ZNF136: variants seen among roughly 807,000 people sequenced by gnomAD.
ZNF136 encodes zinc finger protein 136 (clone pHZ-20).
A neutral mutation model predicts 11.4 loss-of-function variants in ZNF136; 8 were observed. The observed-to-expected ratio is 0.70, with a 90% confidence interval of 0.41 to 1.27. The LOEUF is 1.27. Ranked by LOEUF, ZNF136 falls within the 50% of genes most tolerant of loss-of-function variation. The pLI is 0.01. For synonymous variants in ZNF136, 190 were observed against 207.1 expected (o/e 0.92, Z 0.71); for missense variants, 590 against 656.5 (o/e 0.90, Z 1.11).
In ZNF136 at chr19:12,175,175, G is replaced by A. The variant is rs571139919; in HGVS notation, c.4-10610G>A. 2.6e-5 allele frequency among the ~76,000 whole-genome samples: 4 copies of A among 151,210 alleles called. No individual in the cohort carries two copies. The South Asian group carries it at 8.3e-4, about 32-fold the overall frequency. On this transcript the variant is annotated intron_variant, in intron 1 of 3. Transcript: ENST00000343979. ...AAGGAGGTCAGTTGAAGGGCAGAGA[G>A]AAAGATTCTGTTTTCTTTCGATTTT...
chr19:12,177,603 T>A (rs1914834462), intron 1 of ZNF136, among the ~76,000 whole-genome samples: 1 of 152,196 alleles, frequency 6.6e-6, no homozygotes, highest in African/African-American at 2.4e-5. Flanking sequence ...TGTCTTGGCC[T>A]CCCAAAATGC....
rs376858045 is a variant in ZNF136 at position 12,183,290 on chromosome 19, G to T, written c.4-2495G>T. On this transcript the variant is annotated intron_variant, in intron 1 of 3. Coordinates refer to ENST00000343979, the MANE Select transcript of ZNF136 (RefSeq NM_003437.5). ...CTCCTGAGCAGCTAGAACCATAGGT[G>T]CAGGCTACACGACTGGCTAATTTTT... Among the ~76,000 whole-genome samples the T allele has an allele frequency of 2.0e-5, 3 of 151,876 alleles. 1 individual carries two copies. In the East Asian group the frequency reaches 5.8e-4, roughly 30 times the overall value.
At position 12,186,102 on chromosome 19, in the gene ZNF136, T is replaced by G; in HGVS notation, c.131-12T>G. The G allele has an allele frequency of 6.2e-7, 1 of 1,605,982 alleles. No homozygotes were observed. ...TGCACTAATTCAGAATTTTTCTGGG[T>G]CTCTGTTTTAGGGAAAAAATGGAAG... On this transcript the variant is annotated splice_polypyrimidine_tract_variant and intron_variant, in intron 2 of 3. Transcript: ENST00000343979.
At chr19:12,181,147 G>A (rs546282240) in intron 1 of ZNF136, among the ~76,000 whole-genome samples, 2 of 152,210 alleles carry the variant, frequency 1.3e-5, no homozygotes, top group Non-Finnish European at 1.5e-5. Flanking sequence ...TGTGCTGGCC[G>A]TGGTAGCCGG....
At chr19:12,178,911 C>A (rs942865242) in intron 1 of ZNF136, among the ~76,000 whole-genome samples, 1 of 151,802 alleles carries the variant, frequency 6.6e-6, no homozygotes, top group South Asian at 2.1e-4. Context: ...ATGGCATGAA[C>A]CTGGGAGGCG....
chr19:12,165,716 C>A (rs900341171), intron 1 of ZNF136, among the ~76,000 whole-genome samples: 1 of 152,162 alleles, frequency 6.6e-6, no homozygotes, highest in Non-Finnish European at 1.5e-5. Context: ...GGATTTTATG[C>A]CTCAAGTCAC....
In ZNF136 at chr19:12,187,868, C is replaced by T. The variant is rs751334560; in HGVS notation, c.1490C>T (p.Thr497Ile). 6.2e-7 allele frequency: 1 copy of T among 1,603,540 alleles called. No homozygotes were observed. Among genetic ancestry groups the T allele is most frequent in the Non-Finnish European group, 8.5e-7 (1 of 1,176,750 alleles). ...SSSSFRLHER[T>I]HTGQKPYHCK... ...AGTTCCTTTCGACTACATGAAAGGACTCACACTGGACAGAAACCCTATCAT... is the reference window on the plus strand; with the variant it reads ...AGTTCCTTTCGACTACATGAAAGGATTCACACTGGACAGAAACCCTATCAT... Residue 497 changes from threonine to isoleucine, a missense_variant, in exon 4 of 4, where the codon ACT (threonine) becomes ATT (isoleucine). Transcript: ENST00000343979.
chr19:12,173,377 A>G (rs941717225), intron 1 of ZNF136, among the ~76,000 whole-genome samples: 2 of 152,124 alleles, frequency 1.3e-5, no homozygotes, highest in Admixed American at 6.6e-5. Flanking sequence ...ATAAAACGCC[A>G]TGCTTTTATC....
At chr19:12,165,222 C>T (rs1221665186) in intron 1 of ZNF136, among the ~76,000 whole-genome samples, 1 of 152,158 alleles carries the variant, frequency 6.6e-6, no homozygotes, top group Non-Finnish European at 1.5e-5. Flanking sequence ...AATGCAGTGT[C>T]TCTTGGGCGG....
In ZNF136 at chr19:12,186,908, T is replaced by C. The variant is rs1365386241; in HGVS notation, c.530T>C (p.Phe177Ser). The change falls in exon 4 of 4, where the codon TTC (phenylalanine) becomes TCC (serine). Residue 177 changes from phenylalanine to serine, a missense_variant. Physicochemically the swap from Phe to Ser is radical, Grantham distance 155. Coordinates refer to ENST00000343979, the MANE Select transcript of ZNF136 (RefSeq NM_003437.5). ...GATTGTAAGGAATGTGGAAAAACCT[T>C]CTTTTCTCTCAAAAGAATTAGAAGA... ...LYDCKECGKT[F>S]FSLKRIRRHI... The C allele has an allele frequency of 6.2e-7, 1 of 1,613,892 alleles. No individual in the cohort carries two copies.
At chr19:12,169,475 T>C (rs1914581710) in intron 1 of ZNF136, 7 of 152,160 alleles carry the variant, frequency 4.6e-5, no homozygotes, top group Admixed American at 4.6e-4. Flanking sequence ...CTGAGCTACA[T>C]CTCCACAGTG....
At chr19:12,173,975 G>A (rs1914724536) in intron 1 of ZNF136, among the ~76,000 whole-genome samples, 1 of 151,886 alleles carries the variant, frequency 6.6e-6, no homozygotes, top group Non-Finnish European at 1.5e-5. Flanking sequence ...GCATGATCTC[G>A]GCTCACTGCA....
At position 12,188,822 on chromosome 19, in the gene ZNF136, C is replaced by A. The variant is rs1568406050; in HGVS notation, c.*821C>A. On this transcript the variant is annotated 3_prime_UTR_variant, in exon 4 of 4. Coordinates refer to ENST00000343979, the MANE Select transcript of ZNF136 (RefSeq NM_003437.5). The stretch of plus-strand genomic sequence containing the variant: ...AAAAAAAAAAGTCATTTGAAAACTT[C>A]TAATACAGCAAAATCCTATAAATGT... 1 of 151,874 alleles carries A rather than the reference C, an allele frequency of 6.6e-6. No homozygotes were observed. Among genetic ancestry groups the A allele is most frequent in the Non-Finnish European group, 1.5e-5 (1 of 67,966 alleles). The allele number at this position is 151,874 out of a possible 1,614,324, so 9.4% of individuals were successfully genotyped here.
intron 1 of ZNF136, among the ~76,000 whole-genome samples, chr19:12,172,107 T>TGCTTC (rs1449130974): frequency 6.6e-6 from 1 of 151,556 alleles, no homozygotes; most frequent in Non-Finnish European, 1.5e-5. Flanking sequence ...GCCTTCCGAG[T>TGCTTC]AGCTGGGATC....
chr19:12,168,886 C>T (rs1275028120), intron 1 of ZNF136, among the ~76,000 whole-genome samples: 1 of 152,056 alleles, frequency 6.6e-6, no homozygotes, highest in Non-Finnish European at 1.5e-5. Flanking sequence ...CCATGTTGGC[C>T]ACGCTGGTCT....
chr19:12,167,120 T>C (rs992766644), intron 1 of ZNF136, among the ~76,000 whole-genome samples: 1 of 152,212 alleles, frequency 6.6e-6, no homozygotes, highest in Non-Finnish European at 1.5e-5. Context: ...ATTCTGTTCT[T>C]AGGAAGTGTT....
Position 12,187,516 on chromosome 19 carries a change from C to G in ZNF136, c.1138C>G (p.Arg380Gly), listed in dbSNP as rs757219451. ...GEAFSCIPSM[R>G]RHMIKHTGEG... ...AGCATTCAGTTGTATCCCAAGTATG[C>G]GAAGACACATGATAAAACATACTGG... The change falls in exon 4 of 4, where the codon CGA becomes GGA. Residue 380 changes from arginine (R) to glycine (G), a missense_variant. Arg to Gly is a moderately radical substitution (Grantham distance 125). Coordinates refer to ENST00000343979, the MANE Select transcript of ZNF136 (RefSeq NM_003437.5). 5.0e-6 allele frequency: 8 copies of G among 1,613,492 alleles called. No individual in the cohort carries two copies. Among genetic ancestry groups the G allele is most frequent in the Non-Finnish European group, 6.8e-6 (8 of 1,179,904 alleles).
intron 1 of ZNF136, among the ~76,000 whole-genome samples, chr19:12,184,413 TAGTC>T (rs1875759759): frequency 6.6e-6 from 1 of 151,636 alleles, no homozygotes; most frequent in Admixed American, 6.6e-5. Context: ...TACAAAAAAT[TAGTC>T]AGGCGTGGTG....
At chr19:12,169,681 T>A (rs1316324204) in intron 1 of ZNF136, among the ~76,000 whole-genome samples, 5 of 151,856 alleles carry the variant, frequency 3.3e-5, no homozygotes, top group Middle Eastern at 3.4e-3. Flanking sequence ...CGATCTTGGC[T>A]CACTGCAAGC....
Sources: gnomAD v4.1 joint callset for allele counts (sites outside exome capture counted in the v4.1 genomes callset) on GRCh38, gnomAD v4.1.1 for gene constraint, MANE v1.5 for transcripts, NCBI Gene and HGNC (gene_info 2026-07-23, HGNC 2026-07-21) for gene names.